NTRK3: variants seen among roughly 807,000 people sequenced by gnomAD.
The protein encoded by NTRK3 is NT-3 growth factor receptor.
NTRK3 carries 24 observed loss-of-function variants against 91.7 expected under a neutral mutation model. The ratio of observed to expected loss-of-function variants is 0.26; its 90% CI spans 0.19 to 0.37. The LOEUF (loss-of-function observed/expected upper bound fraction) is 0.37, where lower values mean the gene tolerates loss of function less well. Ranked by LOEUF, NTRK3 falls within the 10% of genes least tolerant of loss-of-function variation. NTRK3 has a pLI of 1.00. For synonymous variants in NTRK3, 483 were observed against 404.0 expected (o/e 1.20, Z -2.34); for missense variants, 880 against 1,068.9 (o/e 0.82, Z 2.46).
chr15:88,086,251 G>A (rs1449317360), intron 13 of NTRK3, among the ~76,000 whole-genome samples: 1 of 152,096 alleles, frequency 6.6e-6, no homozygotes, highest in Non-Finnish European at 1.5e-5. Context: ...ATTTTTCATT[G>A]AGCACTTACT....
chr15:88,091,414 C>G (rs149094363), intron 13 of NTRK3, among the ~76,000 whole-genome samples: 85 of 152,322 alleles, frequency 5.6e-4, no homozygotes, highest in African/African-American at 1.8e-3. Context: ...ACTCATACTA[C>G]TTTTACCTTC....
intron 17 of NTRK3, among the ~76,000 whole-genome samples, chr15:87,894,068 C>A (rs1339119348): frequency 1.3e-5 from 2 of 152,186 alleles, no homozygotes; most frequent in Non-Finnish European, 2.9e-5. Flanking sequence ...AAAATTTAAT[C>A]TTTCTTGATT....
At chr15:87,978,894 GAGGACAGC>G in intron 14 of NTRK3, 1 of 279,624 alleles carries the variant, frequency 3.6e-6, no homozygotes, top group Non-Finnish European at 6.8e-6. Flanking sequence ...AGGTCACTAA[GAGGACAGC>G]ATGGTATCCT....
chr15:87,916,508 G>A (rs1171374127), intron 17 of NTRK3: 2 of 702,098 alleles, frequency 2.8e-6, no homozygotes, highest in Non-Finnish European at 5.2e-6. Context: ...ATTTTCTTAT[G>A]GGGCATCTTC....
At chr15:88,020,730 G>A (rs2077537477) in intron 14 of NTRK3, among the ~76,000 whole-genome samples, 1 of 152,150 alleles carries the variant, frequency 6.6e-6, no homozygotes, top group Non-Finnish European at 1.5e-5. Context: ...TCATGCAGTG[G>A]CTGAGTGGTA....
chr15:87,911,603 A>C (rs990956956), intron 17 of NTRK3, among the ~76,000 whole-genome samples: 2 of 152,140 alleles, frequency 1.3e-5, no homozygotes, highest in African/African-American at 4.8e-5. Context: ...CAATCTTGCC[A>C]CCCCTGTGGG....
chr15:88,021,280 T>C (rs1218842095), intron 14 of NTRK3, among the ~76,000 whole-genome samples: 3 of 152,240 alleles, frequency 2.0e-5, no homozygotes, highest in African/African-American at 7.2e-5. Flanking sequence ...ACAGTGCCTG[T>C]GCCAAATGGG....
At chr15:88,246,631 A>AC (rs1448944793) in intron 3 of NTRK3, among the ~76,000 whole-genome samples, 1 of 152,158 alleles carries the variant, frequency 6.6e-6, no homozygotes, top group Non-Finnish European at 1.5e-5. Context: ...CCTCTGTGCA[A>AC]ATGTGCTGAT....
chr15:88,047,591 C>T (rs1326496459), intron 13 of NTRK3, among the ~76,000 whole-genome samples: 3 of 152,194 alleles, frequency 2.0e-5, no homozygotes, highest in Non-Finnish European at 2.9e-5. Context: ...CTCACCTTCA[C>T]GGTACCTCCT....
At chr15:87,957,006 T>C (rs932185669) in intron 14 of NTRK3, among the ~76,000 whole-genome samples, 2 of 152,160 alleles carry the variant, frequency 1.3e-5, no homozygotes, top group African/African-American at 2.4e-5. Context: ...GTGGGTTGTA[T>C]TGCCTCCTCA....
intron 13 of NTRK3, among the ~76,000 whole-genome samples, chr15:88,081,357 C>T (rs2048025027): frequency 6.6e-6 from 1 of 152,196 alleles, no homozygotes; most frequent in South Asian, 2.1e-4. Context: ...CCTGCCACCA[C>T]TCCCATCCAG....
intron 5 of NTRK3, among the ~76,000 whole-genome samples, chr15:88,175,931 C>A (rs541361657): frequency 6.6e-6 from 1 of 152,036 alleles, no homozygotes; most frequent in East Asian, 1.9e-4. Flanking sequence ...GGGTTAGAGG[C>A]AATAGCTTAA....
intron 13 of NTRK3, among the ~76,000 whole-genome samples, chr15:88,091,531 C>T (rs749457102): frequency 5.3e-5 from 8 of 152,178 alleles, no homozygotes; most frequent in East Asian, 1.9e-4. Context: ...CCTAACAGTG[C>T]CATGATCAAT....
intron 3 of NTRK3, among the ~76,000 whole-genome samples, chr15:88,193,632 G>A (rs902139381): frequency 1.3e-5 from 2 of 152,116 alleles, no homozygotes; most frequent in Non-Finnish European, 2.9e-5. Flanking sequence ...ATAAATGAAC[G>A]AATCCCCAAA....
At chr15:88,091,342 G>A (rs747088224) in intron 13 of NTRK3, among the ~76,000 whole-genome samples, 1 of 152,224 alleles carries the variant, frequency 6.6e-6, no homozygotes, top group Non-Finnish European at 1.5e-5. Context: ...TCAACTGGTA[G>A]TGGTAATACT....
At chr15:87,949,843 G>C (rs572502594) in intron 14 of NTRK3, among the ~76,000 whole-genome samples, 1 of 152,310 alleles carries the variant, frequency 6.6e-6, no homozygotes, top group Admixed American at 6.5e-5. Flanking sequence ...TCCCCAAGGA[G>C]AGCCATCTGG....
In NTRK3 at chr15:87,952,210, GAAGAA is replaced by G. The variant is rs377361041; in HGVS notation, c.1586-11462_1586-11458del. 1.6e-3 allele frequency among the ~76,000 whole-genome samples: 228 copies of G among 140,994 alleles called. 3 individuals carry two copies. Among genetic ancestry groups the G allele is most frequent in the Admixed American group, 0.011 (152 of 14,102 alleles). The allele number at this position is 140,994 out of a possible 152,430, so 92.5% of individuals were successfully genotyped here. A position where few individuals can be genotyped will look rare whatever the true frequency, so the allele number is the denominator to read the frequency against. On this transcript the variant is annotated intron_variant, in intron 14 of 18. Transcript: ENST00000394480. The stretch of plus-strand genomic sequence containing the variant: ...AGAAAGAAGAAAGGAAAGAAAGAAA[GAAGAA>G]AAGAAAAGAGAAAGAAAAGAAAAGA...
chr15:88,211,741 G>T (rs1365345972), intron 3 of NTRK3, among the ~76,000 whole-genome samples: 1 of 152,176 alleles, frequency 6.6e-6, no homozygotes, highest in Non-Finnish European at 1.5e-5. Context: ...GTCACTACAA[G>T]TCAGCTGTAG....
intron 3 of NTRK3, among the ~76,000 whole-genome samples, chr15:88,212,234 G>C (rs1190077889): frequency 1.3e-5 from 2 of 152,126 alleles, no homozygotes; most frequent in Non-Finnish European, 2.9e-5. Flanking sequence ...GCTGGGCATG[G>C]TGGCAGGCGC....
Sources: allele counts gnomAD v4.1 joint callset (sites outside exome capture counted in the v4.1 genomes callset), GRCh38; gene constraint gnomAD v4.1.1; transcripts MANE v1.5; gene names NCBI Gene and HGNC (gene_info 2026-07-23, HGNC 2026-07-21).